DHRS2: variants seen among roughly 807,000 people sequenced by gnomAD.
DHRS2 encodes dehydrogenase/reductase SDR family member 2, mitochondrial.
In DHRS2, 29 loss-of-function variants were observed where a neutral mutation model predicts 26.3. The ratio of observed to expected loss-of-function variants is 1.10; its 90% CI spans 0.82 to 1.50. The LOEUF (loss-of-function observed/expected upper bound fraction) is 1.50. Ranked by LOEUF, DHRS2 falls within the 40% of genes most tolerant of loss-of-function variation. The pLI is 0.00. For synonymous variants in DHRS2, 164 were observed against 151.3 expected, an observed-to-expected ratio of 1.08 and a Z score of -0.62; for missense variants, 439 against 367.1, an observed-to-expected ratio of 1.20 and a Z score of -1.60.
At chr14:23,644,730 G>A in intron 7 of DHRS2, 97 bp from the exon 8 acceptor site, 1 of 1,515,454 alleles carries the variant, frequency 6.6e-7, no homozygotes, top group Non-Finnish European at 9.1e-7. Flanking sequence ...TTTGAGAAGG[G>A]CAAAGCTGCC....
chr14:23,635,209 T>C (rs148761641), upstream of DHRS2, among the ~76,000 whole-genome samples: 469 of 152,202 alleles, frequency 3.1e-3, 2 homozygotes, highest in African/African-American at 0.011. Context: ...ACTACAGGCA[T>C]GCACCACCAC....
At position 23,645,566 on chromosome 14, in the gene DHRS2, A is replaced by G. The variant is rs1029725201; in HGVS notation, c.*313A>G. ...GAGTAGAAGCTCAGGCCTTTGAAGG[A>G]TTTCAGCTCCTCCTCTCTGTAATTT... On this transcript the variant is annotated 3_prime_UTR_variant, in exon 9 of 9. Coordinates refer to ENST00000250383, the MANE Select transcript of DHRS2 (RefSeq NM_005794.4). The G allele has an allele frequency of 4.6e-6, 2 of 433,216 alleles. No homozygotes were observed. The highest frequency in any genetic ancestry group is 8.2e-6 in the Non-Finnish European group (2 of 244,052). 26.8% of individuals were successfully genotyped at this position (433,216 alleles called of 1,614,324 possible).
intron 7 of DHRS2, 76 bp downstream of exon 7, chr14:23,644,619 G>T: frequency 6.2e-7 from 1 of 1,604,806 alleles, no homozygotes; most frequent in Non-Finnish European, 8.5e-7. Context: ...GGATCAAGGG[G>T]TGACTGAATC....
At position 23,645,176 on chromosome 14, in the gene DHRS2, T is replaced by C. The variant is rs372003142; in HGVS notation, c.766T>C (p.Ser256Pro). 2 of 1,614,128 alleles carry C rather than the reference T, an allele frequency of 1.2e-6. No homozygotes were observed. Among genetic ancestry groups the C allele is most frequent in the Middle Eastern group, 1.6e-4 (1 of 6,062 alleles). ...GTCAGAGGACTGTGCAGGAATCGTGTCCTTCCTGTGCTCTCCAGATGCCAG... is the reference window on the plus strand; with the variant it reads ...GTCAGAGGACTGTGCAGGAATCGTGCCCTTCCTGTGCTCTCCAGATGCCAG... ...GESEDCAGIV[S>P]FLCSPDASYV... The change falls in exon 9 of 9, where the codon TCC (serine) becomes CCC (proline). Residue 256 changes from serine (S) to proline (P), a missense_variant. Ser to Pro is a moderately conservative substitution (Grantham distance 74). Coordinates refer to ENST00000250383, the MANE Select transcript of DHRS2 (RefSeq NM_005794.4).
At chr14:23,635,507 C>A (rs1321340499), upstream of DHRS2, among the ~76,000 whole-genome samples, 1 of 152,168 alleles carries the variant, frequency 6.6e-6, no homozygotes, top group Non-Finnish European at 1.5e-5. Flanking sequence ...TCTACAGAGT[C>A]AGAGATCTTT....
chr14:23,632,255 G>C (rs10438017), upstream of DHRS2, among the ~76,000 whole-genome samples: 15,734 of 152,206 alleles, frequency 0.1, 2,816 homozygotes, highest in African/African-American at 0.36. Flanking sequence ...GTTCCCCAGG[G>C]GGGGCATAAC....
At chr14:23,644,064 G>A (rs1566704542) in intron 5 of DHRS2, 47 bp from the exon 6 acceptor site, 1 of 1,587,894 alleles carries the variant, frequency 6.3e-7, no homozygotes, top group Admixed American at 1.7e-5. Flanking sequence ...GTCACCATCA[G>A]TGGTAAGCTC....
At chr14:23,632,640 A>G (rs1173073669), upstream of DHRS2, among the ~76,000 whole-genome samples, 2 of 152,198 alleles carry the variant, frequency 1.3e-5, no homozygotes, top group East Asian at 3.9e-4. Flanking sequence ...ACAGACCCCT[A>G]ACTCGAAGGA....
rs767193133 is a variant in DHRS2, at chr14:23,639,199, G to A, written c.161G>A (p.Arg54Gln). The change falls in exon 3 of 9, where the codon CGA becomes CAA. Residue 54 changes from arginine to glutamine, a missense_variant. Arg to Gln is a conservative substitution (Grantham distance 43). Transcript: ENST00000250383. ...TTCAGGATCGGCTTTGCCATCGCCC[G>A]ACGTCTGGCCCGGGACGGGGCCCAC... ...STSGIGFAIA[R>Q]RLARDGAHVV... is the part of the protein sequence containing the mutation. 9.3e-6 allele frequency: 15 copies of A among 1,613,640 alleles called. No homozygotes were observed. The highest frequency in any genetic ancestry group is 6.7e-5 in the East Asian group (3 of 44,890).
intron 5 of DHRS2, chr14:23,643,587 G>T (rs1025154790): frequency 3.5e-6 from 1 of 286,370 alleles, no homozygotes; most frequent in East Asian, 8.3e-5. Flanking sequence ...ATAGGAAAAA[G>T]CCTGTCCCAG....
chr14:23,644,940 C>A, intron 8 of DHRS2, 58 bp downstream of exon 8: 1 of 1,592,260 alleles, frequency 6.3e-7, no homozygotes, highest in Non-Finnish European at 8.6e-7. Flanking sequence ...GCAGTTGAGT[C>A]TATTGCAAGA....
At position 23,645,451 on chromosome 14, in the gene DHRS2, G is replaced by C; in HGVS notation, c.*198G>C. The C allele has an allele frequency of 8.8e-7, 1 of 1,139,176 alleles. No individual in the cohort carries two copies. The highest frequency in any genetic ancestry group is 1.6e-5 in the South Asian group (1 of 62,576). 70.6% of individuals were successfully genotyped at this position (1,139,176 alleles called of 1,614,324 possible). ...GACTTATCTGCTTGTAGATTTGGCT[G>C]ATCCAATTAACATGTGGGGTTCTTG... On this transcript the variant is annotated 3_prime_UTR_variant, in exon 9 of 9. Transcript: ENST00000250383.
intron 8 of DHRS2, 39 bp from the exon 9 acceptor site, chr14:23,645,103 A>G (rs1594250737): frequency 1.9e-6 from 3 of 1,612,032 alleles, no homozygotes; most frequent in Non-Finnish European, 2.5e-6. Context: ...GCAGAATCAG[A>G]GTACAAGATG....
At position 23,641,735 on chromosome 14, in the gene DHRS2, A is replaced by G. The variant is rs1268717652; in HGVS notation, c.421-1417A>G. 4 of 1,289,592 alleles carry G rather than the reference A, an allele frequency of 3.1e-6. No homozygotes were observed. In the South Asian group the frequency reaches 4.9e-5, roughly 16 times the overall value. The allele number at this position is 1,289,592 out of a possible 1,614,324, so 79.9% of individuals were successfully genotyped here. ...GCAGTCATTGGGGGTCATCCCCCACACTGGTAACCTGTCATCAAATGGGCC... is the reference window on the plus strand; with the variant it reads ...GCAGTCATTGGGGGTCATCCCCCACGCTGGTAACCTGTCATCAAATGGGCC... On this transcript the variant is annotated intron_variant, in intron 4 of 8. Transcript: ENST00000250383.
chr14:23,634,576 A>C (rs1890215335), upstream of DHRS2, among the ~76,000 whole-genome samples: 1 of 152,030 alleles, frequency 6.6e-6, no homozygotes, highest in Admixed American at 6.6e-5. Context: ...TCTTTTACTC[A>C]ACAGTATATT....
At chr14:23,633,315 C>G (rs1566695383), upstream of DHRS2, among the ~76,000 whole-genome samples, 2 of 152,166 alleles carry the variant, frequency 1.3e-5, no homozygotes, top group Admixed American at 1.3e-4. Context: ...ACGGACATCC[C>G]TTCAGAGAGC....
rs1449230675 is a variant in DHRS2, at chr14:23,639,281, G to C, written c.243G>C (p.Gln81His). The change falls in exon 3 of 9, where the codon CAG (glutamine) becomes CAC (histidine). Residue 81 changes from glutamine (Q) to histidine (H), a missense_variant. Gln to His is a conservative substitution (Grantham distance 24). Coordinates refer to ENST00000250383, the MANE Select transcript of DHRS2 (RefSeq NM_005794.4). ...TGGACCGGGCCATGGCCAAGCTGCA[G>C]GGGGAGGGGCTGAGTGTGGCGGGCA... Reference protein sequence around the residue: ...QNVDRAMAKLQGEGLSVAGIV... With the variant: ...QNVDRAMAKLHGEGLSVAGIV... 1.2e-6 allele frequency: 2 copies of C among 1,609,986 alleles called. No individual in the cohort carries two copies. The highest frequency in any genetic ancestry group is 1.7e-6 in the Non-Finnish European group (2 of 1,177,980).
At chr14:23,644,239 A>G in intron 6 of DHRS2, 77 bp downstream of exon 6, 1 of 1,583,870 alleles carries the variant, frequency 6.3e-7, no homozygotes, top group Non-Finnish European at 8.7e-7. Flanking sequence ...AGCCTTACAG[A>G]CAAAGTGCCT....
chr14:23,642,906 T>G, intron 4 of DHRS2: 1 of 411,004 alleles, frequency 2.4e-6, no homozygotes. Context: ...TCCTTCCTCG[T>G]GTCAGTCCTG....
Sources: allele counts gnomAD v4.1 joint callset (sites outside exome capture counted in the v4.1 genomes callset), GRCh38; gene constraint gnomAD v4.1.1; transcripts MANE v1.5; gene names NCBI Gene and HGNC (gene_info 2026-07-23, HGNC 2026-07-21).